Variants in KLHL18 observed in about 807,000 individuals in gnomAD.
The protein encoded by KLHL18 is kelch-like protein 18.
A neutral mutation model predicts 58.5 loss-of-function variants in KLHL18; 38 were observed. The ratio of observed to expected loss-of-function variants is 0.65; its 90% CI spans 0.50 to 0.85. KLHL18 has a LOEUF of 0.85. Among genes scored for constraint, KLHL18 ranks in the 40% least tolerant of loss-of-function variants. The probability of loss-of-function intolerance (pLI) is 0.00; values close to 1 mark genes in which losing one functional copy is unlikely to be tolerated. For missense variants in KLHL18, 624 were observed against 778.4 expected (o/e 0.80, Z 2.36); for synonymous variants, 303 against 301.9 (o/e 1.00, Z -0.04).
chr3:47,290,336 ACT>A (rs1702765451), intron 1 of KLHL18, among the ~76,000 whole-genome samples: 1 of 151,964 alleles, frequency 6.6e-6, no homozygotes, highest in Admixed American at 6.6e-5. Context: ...TGAATTCTTG[ACT>A]CTGATTTTGA....
chr3:47,318,786 G>T (rs1225078056), intron 1 of KLHL18, among the ~76,000 whole-genome samples: 1 of 152,174 alleles, frequency 6.6e-6, no homozygotes, highest in East Asian at 1.9e-4. Flanking sequence ...TTGAGCAGAG[G>T]CTGGGTGCGG....
At chr3:47,283,880 A>T (rs892089600) in intron 1 of KLHL18, among the ~76,000 whole-genome samples, 2 of 152,142 alleles carry the variant, frequency 1.3e-5, no homozygotes, top group African/African-American at 4.8e-5. Context: ...TGGGGAGATG[A>T]TCAGTGGGGC....
intron 1 of KLHL18, among the ~76,000 whole-genome samples, chr3:47,285,148 G>A (rs1559482990): frequency 6.6e-6 from 1 of 152,196 alleles, no homozygotes; most frequent in Admixed American, 6.5e-5. Flanking sequence ...GAAGGAGGTT[G>A]TTTTTCCAGG....
At chr3:47,300,287 T>TTATATATATATATATATATATATA (rs1207306389) in intron 1 of KLHL18, among the ~76,000 whole-genome samples, 14 of 133,108 alleles carry the variant, frequency 1.1e-4, no homozygotes, top group Non-Finnish European at 1.7e-4. Context: ...CACCGGCATT[T>TTATATATATATATATATATATATA]TATATATATA....
At chr3:47,295,430 T>C (rs1702875227) in intron 1 of KLHL18, among the ~76,000 whole-genome samples, 1 of 152,212 alleles carries the variant, frequency 6.6e-6, no homozygotes, top group South Asian at 2.1e-4. Flanking sequence ...GCCTTTGCTC[T>C]AGTGTTCCTT....
chr3:47,309,872 G>A (rs559171708), intron 1 of KLHL18, among the ~76,000 whole-genome samples: 230 of 152,130 alleles, frequency 1.5e-3, no homozygotes, highest in Non-Finnish European at 2.8e-3. Context: ...GTGGCAGCGC[G>A]CGCCTGCACT....
At chr3:47,331,203 C>T (rs534844537) in intron 4 of KLHL18, among the ~76,000 whole-genome samples, 1 of 152,228 alleles carries the variant, frequency 6.6e-6, no homozygotes, top group East Asian at 1.9e-4. Context: ...TCTCAGCTCA[C>T]TGCACCTCTG....
chr3:47,317,594 A>G (rs1352193213), intron 1 of KLHL18, among the ~76,000 whole-genome samples: 1 of 152,204 alleles, frequency 6.6e-6, no homozygotes, highest in Non-Finnish European at 1.5e-5. Flanking sequence ...GACTGAATAT[A>G]TTAACCAGAG....
At chr3:47,319,921 C>A in intron 2 of KLHL18, 138 bp downstream of exon 2, 3 of 924,210 alleles carry the variant, frequency 3.2e-6, no homozygotes, top group Non-Finnish European at 3.3e-6. Flanking sequence ...GATTAATAAG[C>A]AGATTAGAAC....
intron 3 of KLHL18, among the ~76,000 whole-genome samples, chr3:47,325,979 G>C (rs983784228): frequency 9.2e-5 from 14 of 151,574 alleles, no homozygotes; most frequent in Admixed American, 3.9e-4. Context: ...ACAGAGTCTT[G>C]CTCTGTCGCC....
At chr3:47,298,260 T>C (rs1412570061) in intron 1 of KLHL18, among the ~76,000 whole-genome samples, 1 of 148,698 alleles carries the variant, frequency 6.7e-6, no homozygotes, top group Non-Finnish European at 1.5e-5. Flanking sequence ...CCCGGCTACT[T>C]GGGAGGATCA....
At chr3:47,285,143 A>G (rs1169428004) in intron 1 of KLHL18, among the ~76,000 whole-genome samples, 2 of 152,158 alleles carry the variant, frequency 1.3e-5, no homozygotes, top group Non-Finnish European at 2.9e-5. Context: ...CTCCTGAAGG[A>G]GGTTGTTTTT....
chr3:47,283,219 C>T, intron 1 of KLHL18, 125 bp downstream of exon 1: 1 of 749,860 alleles, frequency 1.3e-6, no homozygotes, highest in Non-Finnish European at 1.9e-6. Context: ...GTGAGGGGGG[C>T]CGAGTAGTGG....
Position 47,346,319 on chromosome 3 carries a change from GC to G in KLHL18, c.*2380del, listed in dbSNP as rs1224506411. The G allele has an allele frequency of 1.0e-4, 16 of 152,598 alleles. No individual in the cohort carries two copies. Among genetic ancestry groups the G allele is most frequent in the Admixed American group, 1.0e-3 (16 of 15,286 alleles). 9.5% of individuals were successfully genotyped at this position (152,598 alleles called of 1,614,324 possible). A position where few individuals can be genotyped will look rare whatever the true frequency, so the allele number is the denominator to read the frequency against. On this transcript the variant is annotated 3_prime_UTR_variant, in exon 10 of 10. Transcript: ENST00000232766. ...GGTCGATGTTTCAAAGTAAGATCAA[GC>G]CAGTGTTTTGATCTGGGCTCTGAGC...
intron 1 of KLHL18, among the ~76,000 whole-genome samples, chr3:47,289,706 C>A (rs1702750742): frequency 6.6e-6 from 1 of 152,014 alleles, no homozygotes; most frequent in African/African-American, 2.4e-5. Flanking sequence ...TTGCTTGAGC[C>A]CAGGAGGTCA....
At position 47,306,248 on chromosome 3, in the gene KLHL18, G is replaced by A. The variant is rs181742836; in HGVS notation, c.130-13405G>A. Among the ~76,000 whole-genome samples, 9 of 151,978 alleles carry A rather than the reference G, an allele frequency of 5.9e-5. No individual in the cohort carries two copies. The East Asian group carries it at 7.7e-4, about 13-fold the overall frequency. On this transcript the variant is annotated intron_variant, in intron 1 of 9. Transcript: ENST00000232766. ...TCATTCAATGTATTTTTAAATTTCCGTTCCTTTTTTAGAGACTCCTCTTTG... is the reference window on the plus strand; with the variant it reads ...TCATTCAATGTATTTTTAAATTTCCATTCCTTTTTTAGAGACTCCTCTTTG...
chr3:47,288,519 A>G (rs748068933), intron 1 of KLHL18, among the ~76,000 whole-genome samples: 4 of 152,156 alleles, frequency 2.6e-5, no homozygotes, highest in Admixed American at 6.5e-5. Flanking sequence ...CATCTTTTCT[A>G]TCTTCCTGAA....
At chr3:47,325,876 C>T (rs1703707147) in intron 3 of KLHL18, among the ~76,000 whole-genome samples, 1 of 151,638 alleles carries the variant, frequency 6.6e-6, no homozygotes, top group Non-Finnish European at 1.5e-5. Context: ...CTCAAGCATT[C>T]TCCTGCCTCA....
chr3:47,287,337 C>G (rs1702695533), intron 1 of KLHL18: 1 of 152,192 alleles, frequency 6.6e-6, no homozygotes, highest in Admixed American at 6.5e-5. Flanking sequence ...TGAGCAGCTT[C>G]CTTAAACACT....
Sources: allele counts gnomAD v4.1 joint callset (sites outside exome capture counted in the v4.1 genomes callset), GRCh38; gene constraint gnomAD v4.1.1; transcripts MANE v1.5; gene names NCBI Gene and HGNC (gene_info 2026-07-23, HGNC 2026-07-21).